The following TTC34 variants were observed in gnomAD, a reference collection of about 807,000 sequenced individuals.
The protein encoded by TTC34 is tetratricopeptide repeat domain 34, also known as tetratricopeptide repeat protein 34.
In TTC34, 44 loss-of-function variants were observed where a neutral mutation model predicts 40.7. The ratio of observed to expected loss-of-function variants is 1.08; its 90% CI spans 0.85 to 1.39. The LOEUF (loss-of-function observed/expected upper bound fraction) is 1.39, where lower values mean the gene tolerates loss of function less well. TTC34 is among the 40% of genes most tolerant of loss of function. The pLI is 0.00. For missense variants in TTC34, 884 were observed against 838.0 expected (o/e 1.05, Z -0.68); for synonymous variants, 422 against 398.6 (o/e 1.06, Z -0.70).
chr1:2,692,552 CGA>C (rs1640672427), intron 6 of TTC34, among the ~76,000 whole-genome samples: 1 of 87,438 alleles, frequency 1.1e-5, no homozygotes, highest in Non-Finnish European at 2.3e-5. Flanking sequence ...CACCCCCAGG[CGA>C]GCATCGGACG....
exon 9 of TTC34, chr1:2,641,494 C>T: frequency 6.5e-7 from 1 of 1,535,682 alleles, no homozygotes; most frequent in South Asian, 1.2e-5. Flanking sequence ...CGTGACGCTG[C>T]TCCTCCAGGC....
chr1:2,752,868 T>C (rs1641370710), intron 6 of TTC34, among the ~76,000 whole-genome samples: 2 of 150,430 alleles, frequency 1.3e-5, no homozygotes, highest in African/African-American at 2.5e-5. Context: ...CAGGCGAGCA[T>C]CTGATGGCCT....
chr1:2,773,105 C>G (rs1262983380), intron 6 of TTC34, among the ~76,000 whole-genome samples: 1 of 11,876 alleles, frequency 8.4e-5, no homozygotes, highest in East Asian at 2.7e-3. Flanking sequence ...CACCCCCAGG[C>G]GAGCATCTGA....
At chr1:2,749,352 A>T (rs1641242521) in intron 6 of TTC34, among the ~76,000 whole-genome samples, 1 of 104,960 alleles carries the variant, frequency 9.5e-6, no homozygotes, top group Non-Finnish European at 1.8e-5. Context: ...AGACTGGAAC[A>T]GCACCCACAT....
At chr1:2,784,780 A>G (rs1643552259) in intron 5 of TTC34, among the ~76,000 whole-genome samples, 1 of 152,220 alleles carries the variant, frequency 6.6e-6, no homozygotes, top group Non-Finnish European at 1.5e-5. Flanking sequence ...CTCTATATCT[A>G]ATTTGTATCA....
At chr1:2,777,444 C>G (rs543655487) in intron 6 of TTC34, among the ~76,000 whole-genome samples, 20 of 152,174 alleles carry the variant, frequency 1.3e-4, no homozygotes, top group Non-Finnish European at 2.8e-4. Context: ...ACAGCATGGA[C>G]AAGTCCTGCC....
chr1:2,750,897 G>A (rs1641297824), intron 6 of TTC34, among the ~76,000 whole-genome samples: 1 of 111,162 alleles, frequency 9.0e-6, no homozygotes, highest in South Asian at 3.3e-4. Context: ...CCCCAGGCGA[G>A]CATCTGAACG....
At chr1:2,682,575 A>ATC (rs1640128540) in intron 6 of TTC34, among the ~76,000 whole-genome samples, 1 of 140,414 alleles carries the variant, frequency 7.1e-6, no homozygotes, top group Non-Finnish European at 1.6e-5. Context: ...GACAGCGTGG[A>ATC]GCAGCACCCA....
chr1:2,686,244 C>A (rs541209448), intron 6 of TTC34, among the ~76,000 whole-genome samples: 3 of 147,022 alleles, frequency 2.0e-5, no homozygotes, highest in South Asian at 2.1e-4. Context: ...CCCACACCCC[C>A]AGGTGAGCAT....
At chr1:2,648,921 C>T (rs917046661) in intron 6 of TTC34, among the ~76,000 whole-genome samples, 4 of 148,410 alleles carry the variant, frequency 2.7e-5, no homozygotes, top group African/African-American at 1.0e-4. Context: ...GCACCCCACA[C>T]ACCTAGGGGA....
intron 6 of TTC34, among the ~76,000 whole-genome samples, chr1:2,682,478 A>G: frequency 1.3e-5 from 1 of 78,444 alleles, no homozygotes; most frequent in East Asian, 2.8e-4. Context: ...ACCACAGGTG[A>G]GCATCGGAGA....
At chr1:2,676,978 A>T (rs1182398406) in intron 6 of TTC34, among the ~76,000 whole-genome samples, 1 of 102,866 alleles carries the variant, frequency 9.7e-6, no homozygotes, top group Non-Finnish European at 2.2e-5. Context: ...CCCCCAGGTG[A>T]GCATCCGACA....
chr1:2,676,924 A>T (rs1570791225), intron 6 of TTC34, among the ~76,000 whole-genome samples: 1 of 134,794 alleles, frequency 7.4e-6, no homozygotes, highest in African/African-American at 2.7e-5. Flanking sequence ...AGCAGCACCC[A>T]CACCCCCAGG....
At chr1:2,692,227 C>G in intron 6 of TTC34, among the ~76,000 whole-genome samples, 1 of 73,918 alleles carries the variant, frequency 1.4e-5, no homozygotes, top group East Asian at 3.3e-4. Context: ...ACCCACATCC[C>G]CAGGCGAGCA....
chr1:2,759,576 A>C (rs1641623441), intron 6 of TTC34, among the ~76,000 whole-genome samples: 1 of 152,034 alleles, frequency 6.6e-6, no homozygotes, highest in African/African-American at 2.4e-5. Flanking sequence ...CGAGCATCGG[A>C]CAGCCTGGAA....
chr1:2,758,225 G>A (rs1313244263), intron 6 of TTC34, among the ~76,000 whole-genome samples: 2 of 72,480 alleles, frequency 2.8e-5, no homozygotes, highest in Non-Finnish European at 5.2e-5. Context: ...CCCTGGAACA[G>A]CACACACACC....
At chr1:2,781,550 C>A (rs1481861316) in intron 6 of TTC34, among the ~76,000 whole-genome samples, 1 of 152,162 alleles carries the variant, frequency 6.6e-6, no homozygotes, top group East Asian at 1.9e-4. Context: ...GCTATAACTT[C>A]CAGTGCAATG....
chr1:2,641,189 GAAGGGGGGTTGT>G, exon 9 of TTC34: 4 of 544,680 alleles, frequency 7.3e-6, no homozygotes, highest in Non-Finnish European at 1.2e-5. Flanking sequence ...GGAGGGTTGG[GAAGGGGGGTTGT>G]GGGGAGGGTT....
At chr1:2,791,497 G>C (rs1024923056) in intron 2 of TTC34, among the ~76,000 whole-genome samples, 1 of 152,130 alleles carries the variant, frequency 6.6e-6, no homozygotes, top group Non-Finnish European at 1.5e-5. Flanking sequence ...AAAATACCAC[G>C]CAGGGCACAG....
Sources: allele counts gnomAD v4.1 joint callset (sites outside exome capture counted in the v4.1 genomes callset), GRCh38; gene constraint gnomAD v4.1.1; transcripts MANE v1.5; gene names NCBI Gene and HGNC (gene_info 2026-07-23, HGNC 2026-07-21).